DAAM2: variants seen among roughly 807,000 people sequenced by gnomAD.
DAAM2 encodes the protein disheveled-associated activator of morphogenesis 2.
DAAM2 carries 39 observed loss-of-function variants against 120.7 expected under a neutral mutation model. The observed-to-expected ratio is 0.32, with a 90% CI of 0.25 to 0.42. The LOEUF is 0.42. DAAM2 is among the 10% of genes least tolerant of loss of function. The pLI is 1.00. For missense variants in DAAM2, 1,283 were observed against 1,401.7 expected (o/e 0.92, Z 1.35); for synonymous variants, 488 against 524.9 (o/e 0.93, Z 0.96).
chr6:39,892,458 C>T (rs1304241434), intron 19 of DAAM2, among the ~76,000 whole-genome samples: 2 of 152,184 alleles, frequency 1.3e-5, no homozygotes, highest in Non-Finnish European at 2.9e-5. Flanking sequence ...AAATCAGTCC[C>T]TTCCCTCTTG....
chr6:39,880,918 CAT>C (rs879417160), intron 14 of DAAM2, among the ~76,000 whole-genome samples: 4 of 152,192 alleles, frequency 2.6e-5, no homozygotes, highest in Non-Finnish European at 5.9e-5. Flanking sequence ...ACAAACTGCA[CAT>C]GAGTAGGCCA....
intron 14 of DAAM2, among the ~76,000 whole-genome samples, chr6:39,881,168 C>A (rs1765099305): frequency 6.6e-6 from 1 of 152,114 alleles, no homozygotes; most frequent in East Asian, 1.9e-4. Flanking sequence ...TCTCTGGGTC[C>A]AGTAATAGTA....
intron 1 of DAAM2, among the ~76,000 whole-genome samples, chr6:39,814,889 C>G (rs1012015959): frequency 5.9e-5 from 9 of 152,220 alleles, no homozygotes; most frequent in African/African-American, 1.7e-4. Flanking sequence ...CTCCTCCATT[C>G]TCTTCAGTAT....
chr6:39,876,726 T>C (rs56400648), intron 11 of DAAM2, among the ~76,000 whole-genome samples: 15,072 of 148,704 alleles, frequency 0.1, 1,582 homozygotes, highest in African/African-American at 0.27. Context: ...TGTGTGTGTG[T>C]GTGCGTGTGT....
chr6:39,809,595 G>A (rs116418871), intron 1 of DAAM2, among the ~76,000 whole-genome samples: 3 of 152,216 alleles, frequency 2.0e-5, no homozygotes, highest in Non-Finnish European at 4.4e-5. Context: ...AATTTAAGTA[G>A]CCCTTTTCCA....
At chr6:39,832,766 C>T (rs1333206285) in intron 1 of DAAM2, among the ~76,000 whole-genome samples, 1 of 152,170 alleles carries the variant, frequency 6.6e-6, no homozygotes, top group East Asian at 1.9e-4. Flanking sequence ...CTGCAGTTCT[C>T]CACGGAGCTG....
intron 1 of DAAM2, among the ~76,000 whole-genome samples, chr6:39,798,650 A>T (rs1761770364): frequency 6.6e-6 from 1 of 152,110 alleles, no homozygotes; most frequent in Non-Finnish European, 1.5e-5. Flanking sequence ...CTCAAGGGTT[A>T]ACTTAAGTTT....
chr6:39,813,185 T>A (rs529643588), intron 1 of DAAM2, among the ~76,000 whole-genome samples: 1 of 152,104 alleles, frequency 6.6e-6, no homozygotes, highest in African/African-American at 2.4e-5. Flanking sequence ...TGTGTATGTA[T>A]GTGTACACAG....
intron 1 of DAAM2, chr6:39,820,562 A>G (rs1762456178): frequency 6.6e-6 from 1 of 152,098 alleles, no homozygotes. Context: ...AGAAGGTGGG[A>G]TCTTTATTTT....
intron 19 of DAAM2, 72 bp downstream of exon 19, chr6:39,891,794 G>A: frequency 8.2e-7 from 1 of 1,221,272 alleles, no homozygotes; most frequent in South Asian, 1.3e-5. Flanking sequence ...GGGAGCCAGT[G>A]AATAGGGGCA....
chr6:39,878,543 T>G lies in DAAM2; in HGVS notation c.1500T>G (p.Ala500=), dbSNP rs1562047567. 22 of 1,609,944 alleles carry G rather than the reference T, an allele frequency of 1.4e-5. No individual in the cohort carries two copies. The highest frequency in any genetic ancestry group is 1.6e-5 in the Non-Finnish European group (19 of 1,178,222). The change falls in exon 13 of 25, where the codon GCT becomes GCG. Residue 500 remains alanine, a synonymous_variant. Coordinates refer to ENST00000274867, the MANE Select transcript of DAAM2 (RefSeq NM_001201427.2). This position sits in a 1 kb window ranked among gnomAD's most constrained non-coding sequence, Gnocchi z 5.0. ...LARESQELRQ[A]RGQVAELVAQ... is the part of the protein sequence containing the mutation. ...GGGAGTCCCAGGAGCTGCGCCAGGC[T>G]CGGGGACAAGTGGCAGAGCTGGTAG... is the stretch of plus-strand genomic sequence containing the variant.
At chr6:39,853,024 G>A (rs1582676714) in intron 1 of DAAM2, among the ~76,000 whole-genome samples, 1 of 152,170 alleles carries the variant, frequency 6.6e-6, no homozygotes, top group South Asian at 2.1e-4. Context: ...GGCTATGGGG[G>A]AGCTGAAGGC....
intron 1 of DAAM2, among the ~76,000 whole-genome samples, chr6:39,796,051 C>A (rs1003832788): frequency 2.0e-5 from 3 of 152,066 alleles, no homozygotes; most frequent in Admixed American, 6.6e-5. Flanking sequence ...ATGGGGGAAT[C>A]TGATGGGTTG....
chr6:39,856,460 C>A lies in DAAM2; in HGVS notation c.158C>A (p.Ala53Glu), dbSNP rs1764008727. Residue 53 changes from alanine to glutamate, a missense_variant, in exon 2 of 25, where the codon GCA (alanine) becomes GAA (glutamate). By Grantham distance (107) the Ala-to-Glu change is moderately radical (BLOSUM62 -1). Coordinates refer to ENST00000274867, the MANE Select transcript of DAAM2 (RefSeq NM_001201427.2). ...PNAEELNIRF[A>E]ELVDELDLTD... is the part of the protein sequence containing the mutation. ...GCAGAGGAGCTCAACATCCGCTTTG[C>A]AGAGCTGGTGGTCAGTGAGAGGGTG... The A allele has an allele frequency of 2.1e-6, 3 of 1,458,184 alleles. No homozygotes were observed. In the African/African-American group the frequency reaches 4.4e-5, roughly 21 times the overall value. 90.3% of individuals were successfully genotyped at this position (1,458,184 alleles called of 1,614,324 possible).
intron 6 of DAAM2, 125 bp from the exon 7 acceptor site, chr6:39,868,698 C>T: frequency 1.4e-6 from 1 of 701,726 alleles, no homozygotes; most frequent in Non-Finnish European, 2.5e-6. Flanking sequence ...TTGGACAGAC[C>T]TGATTGGGTG....
In DAAM2 at chr6:39,878,504, G is replaced by A; in HGVS notation, c.1461G>A (p.Lys487=). The A allele has an allele frequency of 6.2e-7, 1 of 1,610,752 alleles. No individual in the cohort carries two copies. The highest frequency in any genetic ancestry group is 8.5e-7 in the Non-Finnish European group (1 of 1,178,478). ...EEMMRTLNKM[K]DKLARESQEL... ...TGATGCGGACGCTGAACAAAATGAA[G>A]GACAAGCTGGCCCGGGAGTCCCAGG... Residue 487 remains lysine (K), a synonymous_variant, in exon 13 of 25, where the codon AAG becomes AAA. Coordinates refer to ENST00000274867, the MANE Select transcript of DAAM2 (RefSeq NM_001201427.2). This position sits in a 1 kb window ranked among gnomAD's most constrained non-coding sequence, Gnocchi z 5.0.
Position 39,901,969 on chromosome 6 carries a change from C to T in DAAM2, c.3139C>T (p.Arg1047Cys), listed in dbSNP as rs766531470. ...DKDLCKLKRS[R>C]KRSGSQALEV... Reference sequence around the variant, plus strand: ...GGACTTATGCAAGCTCAAGCGCAGCCGCAAGCGATCAGGGAGCCAGGCCCT... The same window carrying T: ...GGACTTATGCAAGCTCAAGCGCAGCTGCAAGCGATCAGGGAGCCAGGCCCT... Residue 1047 changes from arginine (R) to cysteine (C), a missense_variant, in exon 25 of 25, where the codon CGC (arginine) becomes TGC (cysteine). Physicochemically the swap from Arg to Cys is radical, Grantham distance 180. This residue lies in a region of DAAM2 where 748 missense variants were observed against 768.6 expected (regional missense o/e 0.97). Coordinates refer to ENST00000274867, the MANE Select transcript of DAAM2 (RefSeq NM_001201427.2). The surrounding 1 kb of genome is among the most constrained non-coding windows in gnomAD (Gnocchi z 4.5). The T allele has an allele frequency of 5.0e-5, 81 of 1,612,184 alleles. No individual in the cohort carries two copies. Among genetic ancestry groups the T allele is most frequent in the African/African-American group, 1.1e-4 (8 of 74,880 alleles).
rs555296179 is a variant in DAAM2 at position 39,856,449 on chromosome 6, C to T, written c.147C>T (p.Asn49=). ...SSPIPNAEEL[N]IRFAELVDEL... is the part of the protein sequence containing the mutation. The stretch of plus-strand genomic sequence containing the variant: ...CCATCCCGAACGCAGAGGAGCTCAA[C>T]ATCCGCTTTGCAGAGCTGGTGGTCA... Residue 49 remains asparagine (N), a synonymous_variant, in exon 2 of 25, where the codon AAC becomes AAT. Transcript: ENST00000274867. 2.7e-6 allele frequency: 4 copies of T among 1,472,208 alleles called. No individual in the cohort carries two copies. Among genetic ancestry groups the T allele is most frequent in the African/African-American group, 2.9e-5 (2 of 69,204 alleles). 91.2% of individuals were successfully genotyped at this position (1,472,208 alleles called of 1,614,324 possible). A position where few individuals can be genotyped will look rare whatever the true frequency, so the allele number is the denominator to read the frequency against.
chr6:39,865,623 C>G (rs1251864106), intron 5 of DAAM2, among the ~76,000 whole-genome samples: 2 of 152,312 alleles, frequency 1.3e-5, no homozygotes, highest in African/African-American at 4.8e-5. Flanking sequence ...GTGTGGGGCC[C>G]AAAGTGGGGC....
Sources: gnomAD v4.1 joint callset for allele counts (sites outside exome capture counted in the v4.1 genomes callset) on GRCh38, gnomAD v4.1.1 for gene constraint, gnomAD v4.1.1 regional missense constraint, Gnocchi (gnomAD v3.1) non-coding constraint, MANE v1.5 for transcripts, NCBI Gene and HGNC (gene_info 2026-07-23, HGNC 2026-07-21) for gene names.